Variants in CENPA observed in about 807,000 individuals in gnomAD.
CENPA encodes the protein histone H3-like centromeric protein A.
In CENPA, 7 loss-of-function variants were observed where a neutral mutation model predicts 17.2. That is an observed-to-expected ratio of 0.41 (90% CI 0.23 to 0.76). The LOEUF is 0.76. Ranked by LOEUF, CENPA falls within the 30% of genes least tolerant of loss-of-function variation. The pLI is 0.34. For missense variants in CENPA, 149 were observed against 193.1 expected, an observed-to-expected ratio of 0.77 and a Z score of 1.35; for synonymous variants, 82 against 77.4, an observed-to-expected ratio of 1.06 and a Z score of -0.31.
intron 1 of CENPA, among the ~76,000 whole-genome samples, chr2:26,789,967 G>T (rs10865439): frequency 0.28 from 42,151 of 152,066 alleles, 6,432 homozygotes; most frequent in Non-Finnish European, 0.34. Flanking sequence ...TCTTATTACA[G>T]TAGGATTAAA....
rs1034431290 is a variant in CENPA, at chr2:26,793,863, G to C, written c.*99G>C. 6.6e-6 allele frequency: 1 copy of C among 152,384 alleles called. No homozygotes were observed. Among genetic ancestry groups the C allele is most frequent in the Non-Finnish European group, 1.5e-5 (1 of 68,204 alleles). 9.4% of individuals were successfully genotyped at this position (152,384 alleles called of 1,614,324 possible). ...CATGACTAGATCCAATGGATTCTGC[G>C]ATGCTGTCTGGACTTTGCTGTCTCT... On this transcript the variant is annotated 3_prime_UTR_variant, in exon 5 of 5. Transcript: ENST00000335756.
In CENPA at chr2:26,786,635, T is replaced by C. The variant is rs1469481290; in HGVS notation, c.100+339T>C. On this transcript the variant is annotated intron_variant, in intron 1 of 4. Transcript: ENST00000335756. The stretch of plus-strand genomic sequence containing the variant: ...CATATTGTGCCCATTTTACAGCTAA[T>C]GAGAAAGCCGAGGCACAGGCCAGAG... Among the ~76,000 whole-genome samples the C allele has an allele frequency of 4.6e-5, 7 of 152,256 alleles. No homozygotes were observed. In the East Asian group the frequency reaches 1.2e-3, roughly 25 times the overall value.
In CENPA at chr2:26,793,786, T is replaced by C. The variant is rs143746195; in HGVS notation, c.*48-26T>C. ...TTTCTTACTTTTGAAAATGGCTTGT[T>C]AGTAAGTGTGCTTCCTTAATTTCAG... On this transcript the variant is annotated intron_variant, in intron 4 of 4. Coordinates refer to ENST00000335756, the MANE Select transcript of CENPA (RefSeq NM_001809.4). 7.6e-4 allele frequency: 116 copies of C among 153,342 alleles called. 2 individuals are homozygous for C. In the East Asian group the frequency reaches 0.016, roughly 21 times the overall value. The allele number at this position is 153,342 out of a possible 1,614,324, so 9.5% of individuals were successfully genotyped here. A position where few individuals can be genotyped will look rare whatever the true frequency, so the allele number is the denominator to read the frequency against.
chr2:26,786,106 T>C lies in CENPA; in HGVS notation c.-91T>C. ...GTGAGGCTCGCGGCACAGCGTTCTC[T>C]GGGCTCCCCAGAAGCCAGCCTTTCG... On this transcript the variant is annotated 5_prime_UTR_variant, in exon 1 of 5. Coordinates refer to ENST00000335756, the MANE Select transcript of CENPA (RefSeq NM_001809.4). 1 of 1,315,386 alleles carries C rather than the reference T, an allele frequency of 7.6e-7. No individual in the cohort carries two copies. Among genetic ancestry groups the C allele is most frequent in the East Asian group, 3.2e-5 (1 of 31,684 alleles). The allele number at this position is 1,315,386 out of a possible 1,614,324, so 81.5% of individuals were successfully genotyped here. A position where few individuals can be genotyped will look rare whatever the true frequency, so the allele number is the denominator to read the frequency against.
intron 1 of CENPA, among the ~76,000 whole-genome samples, chr2:26,788,801 G>A (rs56328264): frequency 0.28 from 41,916 of 151,938 alleles, 6,386 homozygotes; most frequent in Non-Finnish European, 0.34. Context: ...TCAGCCTCCC[G>A]AGTAGCTAGG....
At chr2:26,789,289 G>T (rs1048511905) in intron 1 of CENPA, among the ~76,000 whole-genome samples, 1 of 151,992 alleles carries the variant, frequency 6.6e-6, no homozygotes, top group Non-Finnish European at 1.5e-5. Context: ...AGCATTTGAC[G>T]CAGTGGGCCT....
intron 1 of CENPA, among the ~76,000 whole-genome samples, chr2:26,789,962 T>C (rs1481083227): frequency 6.6e-6 from 1 of 152,224 alleles, no homozygotes; most frequent in Non-Finnish European, 1.5e-5. Context: ...TGGCTTCTTA[T>C]TACAGTAGGA....
intron 2 of CENPA, chr2:26,792,472 A>C (rs772258418): frequency 2.8e-6 from 2 of 712,364 alleles, no homozygotes; most frequent in Admixed American, 4.0e-5. Flanking sequence ...TGACTGTATA[A>C]ATAGGAACTC....
At chr2:26,791,601 T>G (rs1284898812) in intron 1 of CENPA, among the ~76,000 whole-genome samples, 1 of 152,218 alleles carries the variant, frequency 6.6e-6, no homozygotes, top group Non-Finnish European at 1.5e-5. Flanking sequence ...TTCACCTCGC[T>G]GGGCCTCAGG....
At chr2:26,787,257 C>T (rs1450087981) in intron 1 of CENPA, among the ~76,000 whole-genome samples, 1 of 152,086 alleles carries the variant, frequency 6.6e-6, no homozygotes, top group Non-Finnish European at 1.5e-5. Flanking sequence ...GCTTTGTCGC[C>T]CAGGCTGGAG....
At chr2:26,790,600 A>G (rs955202086) in intron 1 of CENPA, among the ~76,000 whole-genome samples, 11 of 152,244 alleles carry the variant, frequency 7.2e-5, no homozygotes, top group Non-Finnish European at 1.5e-4. Flanking sequence ...TGCTGGGATT[A>G]CAGGCGTGAG....
chr2:26,789,450 G>A (rs1440780114), intron 1 of CENPA, among the ~76,000 whole-genome samples: 1 of 151,708 alleles, frequency 6.6e-6, no homozygotes, highest in Non-Finnish European at 1.5e-5. Flanking sequence ...CCCCTCCCTA[G>A]GTGGTCTCAT....
intron 1 of CENPA, among the ~76,000 whole-genome samples, chr2:26,788,737 G>A (rs895036160): frequency 8.5e-5 from 13 of 152,196 alleles, no homozygotes; most frequent in Non-Finnish European, 1.5e-4. Context: ...GAGCAACGGC[G>A]TGATCTCGGC....
At chr2:26,792,358 T>C (rs1057164541) in intron 2 of CENPA, 118 bp downstream of exon 2, 10 of 742,684 alleles carry the variant, frequency 1.3e-5, no homozygotes, top group Middle Eastern at 3.4e-4. Flanking sequence ...TTTTGTAACC[T>C]GGTAGGGGAT....
chr2:26,790,499 G>T, intron 1 of CENPA, among the ~76,000 whole-genome samples: 1 of 152,222 alleles, frequency 6.6e-6, no homozygotes, highest in East Asian at 1.9e-4. Flanking sequence ...GCTAATTTTT[G>T]TATTTTTAGT....
intron 2 of CENPA, 41 bp downstream of exon 2, chr2:26,792,281 CCTT>C: frequency 6.6e-7 from 1 of 1,510,430 alleles, no homozygotes; most frequent in Non-Finnish European, 9.1e-7. Flanking sequence ...ATGCCACCCT[CCTT>C]TTTTTAAATT....
At chr2:26,790,347 A>G (rs1319761265) in intron 1 of CENPA, among the ~76,000 whole-genome samples, 2 of 151,876 alleles carry the variant, frequency 1.3e-5, no homozygotes, top group Admixed American at 6.6e-5. Flanking sequence ...TTTGTTTGAG[A>G]CACAGTCTCA....
intron 1 of CENPA, among the ~76,000 whole-genome samples, chr2:26,789,724 T>C (rs1312897664): frequency 6.6e-6 from 1 of 152,140 alleles, no homozygotes; most frequent in Non-Finnish European, 1.5e-5. Context: ...CCGTCTCCAA[T>C]ACAAATGCAG....
intron 1 of CENPA, among the ~76,000 whole-genome samples, chr2:26,789,680 A>T (rs567411638): frequency 6.6e-6 from 1 of 151,832 alleles, no homozygotes; most frequent in South Asian, 2.1e-4. Context: ...ACAACTACCC[A>T]CCCAGTTGTT....
Sources: gnomAD v4.1 joint callset for allele counts (sites outside exome capture counted in the v4.1 genomes callset) on GRCh38, gnomAD v4.1.1 for gene constraint, MANE v1.5 for transcripts, NCBI Gene and HGNC (gene_info 2026-07-23, HGNC 2026-07-21) for gene names.